Variants in PDS5A observed in about 807,000 individuals in gnomAD.
PDS5A encodes PDS5 cohesin associated factor A, also known as sister chromatid cohesion protein PDS5 homolog A.
Under a neutral mutation model 167.1 loss-of-function variants are expected in PDS5A, and 42 were observed. The observed-to-expected ratio is 0.25, with a 90% confidence interval of 0.20 to 0.33. The LOEUF is 0.33. Among genes scored for constraint, PDS5A ranks in the 10% least tolerant of loss-of-function variants. The pLI, the probability that PDS5A is intolerant of heterozygous loss-of-function variation, is 1.00. For missense variants in PDS5A, 1,033 were observed against 1,605.9 expected, an observed-to-expected ratio of 0.64 and a Z score of 6.10; for synonymous variants, 553 against 554.6, an observed-to-expected ratio of 1.00 and a Z score of 0.04.
At chr4:39,909,043 A>AATAACATAAC (rs1228740409) in intron 10 of PDS5A, among the ~76,000 whole-genome samples, 4,164 of 76,206 alleles carry the variant, frequency 0.055, 196 homozygotes, top group East Asian at 0.3. Flanking sequence ...TGTATCAAAA[A>AATAACATAAC]ATAAAATAAA....
At chr4:39,953,799 C>T (rs772721555) in intron 2 of PDS5A, among the ~76,000 whole-genome samples, 12 of 152,120 alleles carry the variant, frequency 7.9e-5, no homozygotes, top group African/African-American at 2.7e-4. Flanking sequence ...CTTAGACGTT[C>T]GTAATCAATA....
In PDS5A at chr4:39,862,294, T is replaced by C. The variant is rs1390958284; in HGVS notation, c.3011A>G (p.Tyr1004Cys). The change falls in exon 26 of 33, where the codon TAC (tyrosine) becomes TGC (cysteine). Residue 1004 changes from tyrosine to cysteine, a missense_variant. By Grantham distance (194) the Tyr-to-Cys change is radical (BLOSUM62 -2). Transcript: ENST00000303538. The stretch of plus-strand genomic sequence containing the variant: ...ATCATGGGCTAGCAGGTGAATCATG[T>C]ATGGAACTACATATTCAGGCAACAG... ...LSLLPEYVVP[Y>C]MIHLLAHDPD... The C allele has an allele frequency of 2.0e-6, 3 of 1,531,440 alleles. No homozygotes were observed. Among genetic ancestry groups the C allele is most frequent in the East Asian group, 4.8e-5 (2 of 41,664 alleles). The allele number at this position is 1,531,440 out of a possible 1,614,324, so 94.9% of individuals were successfully genotyped here.
intron 16 of PDS5A, among the ~76,000 whole-genome samples, chr4:39,896,058 T>C (rs1722386942): frequency 6.6e-6 from 1 of 150,564 alleles, no homozygotes; most frequent in African/African-American, 2.4e-5. Flanking sequence ...AAAAAAATTT[T>C]TGGAGACAGG....
Position 39,900,441 on chromosome 4 carries a change from C to T in PDS5A, c.1566G>A (p.Leu522=). Reference sequence around the variant, plus strand: ...ATGAACCTACTGTAGGCTGCTTGTGCAAATCCAATAGTTCGCGTACATGGC... The same window carrying T: ...ATGAACCTACTGTAGGCTGCTTGTGTAAATCCAATAGTTCGCGTACATGGC... ...LRSHVRELLD[L]HKQPTSEANC... Residue 522 remains leucine (L), a synonymous_variant, in exon 14 of 33, where the codon TTG becomes TTA. Transcript: ENST00000303538. 6.3e-7 allele frequency: 1 copy of T among 1,577,744 alleles called. No individual in the cohort carries two copies.
At chr4:39,926,041 T>C (rs1353711723) in intron 4 of PDS5A, 108 bp from the exon 5 acceptor site, 2 of 343,500 alleles carry the variant, frequency 5.8e-6, no homozygotes, top group Non-Finnish European at 1.0e-5. Flanking sequence ...TATTAAAGTC[T>C]ATAAAGACTC....
intron 19 of PDS5A, among the ~76,000 whole-genome samples, chr4:39,876,158 TTCCTCCC>T: frequency 6.6e-6 from 1 of 152,234 alleles, no homozygotes; most frequent in East Asian, 1.9e-4. Context: ...TGTATAGGAT[TTCCTCCC>T]TTGAAAAACT....
chr4:39,835,627 A>G (rs986717326), intron 32 of PDS5A, among the ~76,000 whole-genome samples: 1 of 152,004 alleles, frequency 6.6e-6, no homozygotes, highest in Non-Finnish European at 1.5e-5. Context: ...GGTTCAAGCA[A>G]TTCTCCTGCC....
rs1560435978 is a variant in PDS5A at position 39,863,031 on chromosome 4, G to A, written c.2809C>T (p.His937Tyr). ...AGCAGTAACTTCACAAGTGCCTTATGCAGCTTCTGAGCAAATATCTGCCTT... is the reference window on the plus strand; with the variant it reads ...AGCAGTAACTTCACAAGTGCCTTATACAGCTTCTGAGCAAATATCTGCCTT... ...QVRQIFAQKL[H>Y]KALVKLLLPL... The change falls in exon 25 of 33, where the codon CAT becomes TAT. Residue 937 changes from histidine to tyrosine, a missense_variant. This residue lies in a region of PDS5A where 367 missense variants were observed against 686.7 expected (regional missense o/e 0.53). Coordinates refer to ENST00000303538, the MANE Select transcript of PDS5A (RefSeq NM_001100399.2). The A allele has an allele frequency of 1.2e-6, 2 of 1,613,680 alleles. No individual in the cohort carries two copies. Among genetic ancestry groups the A allele is most frequent in the Admixed American group, 3.3e-5 (2 of 60,016 alleles).
Position 39,943,814 on chromosome 4 carries a change from A to AAAC in PDS5A, c.139-15653_139-15651dup, listed in dbSNP as rs889477053. Among the ~76,000 whole-genome samples the AAAC allele has an allele frequency of 1.9e-4, 29 of 151,558 alleles. No individual in the cohort carries two copies. In the South Asian group the frequency reaches 2.5e-3, roughly 13 times the overall value. On this transcript the variant is annotated intron_variant, in intron 2 of 32. Transcript: ENST00000303538. ...AAAGCGAACCGTATCAAAAACAAAC[A>AAAC]AACAACAACAACAACAAAAAGATCC...
At position 39,970,998 on chromosome 4, in the gene PDS5A, C is replaced by T. The variant is rs557188; in HGVS notation, c.138+5442G>A. 6.5e-3 allele frequency among the ~76,000 whole-genome samples: 985 copies of T among 151,590 alleles called. 27 individuals carry two copies. Among genetic ancestry groups the T allele is most frequent in the African/African-American group, 0.022 (922 of 41,110 alleles). On this transcript the variant is annotated intron_variant, in intron 2 of 32. Transcript: ENST00000303538. Reference sequence around the variant, plus strand: ...TGTTGCCCAGGCCTATCTCAAATTCCTGGGCTCAAGTGTTCCTCCCACCTT... The same window carrying T: ...TGTTGCCCAGGCCTATCTCAAATTCTTGGGCTCAAGTGTTCCTCCCACCTT...
chr4:39,930,000 G>A (rs1046341015), intron 2 of PDS5A, among the ~76,000 whole-genome samples: 15 of 150,662 alleles, frequency 1.0e-4, no homozygotes, highest in African/African-American at 3.4e-4. Context: ...CAGATCACGA[G>A]GTCAGAAGAT....
intron 11 of PDS5A, among the ~76,000 whole-genome samples, chr4:39,905,206 T>C (rs1311478341): frequency 6.6e-5 from 10 of 152,120 alleles, no homozygotes; most frequent in Non-Finnish European, 7.4e-5. Flanking sequence ...GCTCACAAGC[T>C]GACAAAACCT....
At chr4:39,911,856 T>A (rs1173066857) in intron 9 of PDS5A, among the ~76,000 whole-genome samples, 157 of 126,318 alleles carry the variant, frequency 1.2e-3, no homozygotes, top group African/African-American at 3.6e-3. Flanking sequence ...AAAAAAAAAA[T>A]GCACATGTTA....
intron 26 of PDS5A, among the ~76,000 whole-genome samples, chr4:39,861,469 AAGAG>A (rs572675889): frequency 6.6e-6 from 1 of 152,166 alleles, no homozygotes; most frequent in South Asian, 2.1e-4. Context: ...GAAAAAAATA[AAGAG>A]AGAGAGACTG....
At chr4:39,974,104 AGAGC>A (rs1458534531) in intron 2 of PDS5A, 1 of 551,254 alleles carries the variant, frequency 1.8e-6, no homozygotes, top group African/African-American at 1.9e-5. Context: ...CCTGGGCGAC[AGAGC>A]GAGACTCTGT....
Position 39,917,102 on chromosome 4 carries a change from A to G in PDS5A, c.822T>C (p.Ala274=). Reference sequence around the variant, plus strand: ...CGGATAATAATAAATGAGGATCTATAGCAAAAAGTTCCTGAATCAGATCAA... The same window carrying G: ...CGGATAATAATAAATGAGGATCTATGGCAAAAAGTTCCTGAATCAGATCAA... ...HVFDLIQELF[A]IDPHLLLSVM... The change falls in exon 8 of 33, where the codon GCT becomes GCC. Residue 274 remains alanine (A), a synonymous_variant. Coordinates refer to ENST00000303538, the MANE Select transcript of PDS5A (RefSeq NM_001100399.2). 1.3e-6 allele frequency: 2 copies of G among 1,562,994 alleles called. No homozygotes were observed. The highest frequency in any genetic ancestry group is 1.2e-5 in the South Asian group (1 of 82,502).
In PDS5A at chr4:39,838,097, C is replaced by G; in HGVS notation, c.3769G>C (p.Val1257Leu). The G allele has an allele frequency of 6.2e-7, 1 of 1,613,908 alleles. No homozygotes were observed. Among genetic ancestry groups the G allele is most frequent in the Non-Finnish European group, 8.5e-7 (1 of 1,179,824 alleles). Residue 1257 changes from valine to leucine, a missense_variant, in exon 32 of 33, where the codon GTA (valine) becomes CTA (leucine). Val to Leu is a conservative substitution (Grantham distance 32). Coordinates refer to ENST00000303538, the MANE Select transcript of PDS5A (RefSeq NM_001100399.2). ...ENIQQKTDEKVDESGPPAPSK... is the reference protein window; with the variant it reads ...ENIQQKTDEKLDESGPPAPSK... ...GGGGCGGGAGGTCCCGATTCATCTACTTTCTCATCTGTTTTTTGTTGGATA... is the reference window on the plus strand; with the variant it reads ...GGGGCGGGAGGTCCCGATTCATCTAGTTTCTCATCTGTTTTTTGTTGGATA...
At chr4:39,920,446 A>G in intron 6 of PDS5A, 47 bp from the exon 7 acceptor site, 1 of 883,082 alleles carries the variant, frequency 1.1e-6, no homozygotes, top group Non-Finnish European at 1.9e-6. Flanking sequence ...ATGTTAATTT[A>G]TGAGATAGTA....
In PDS5A at chr4:39,829,317, C is replaced by T. The variant is rs938370658; in HGVS notation, c.4011-3829G>A. ...TTCCACATGAAATAAAAATAGTTGG[C>T]ACTTTCAGGATTTTGACCATTCAAC... On this transcript the variant is annotated intron_variant, in intron 32 of 32. Transcript: ENST00000303538. Among the ~76,000 whole-genome samples the T allele has an allele frequency of 5.9e-5, 9 of 152,168 alleles. 1 individual carries two copies. Among genetic ancestry groups the T allele is most frequent in the African/African-American group, 1.9e-4 (8 of 41,432 alleles).
Sources: allele counts gnomAD v4.1 joint callset (sites outside exome capture counted in the v4.1 genomes callset), GRCh38; gene constraint gnomAD v4.1.1; regional missense constraint gnomAD v4.1.1; transcripts MANE v1.5; gene names NCBI Gene and HGNC (gene_info 2026-07-23, HGNC 2026-07-21).